Variants in ANO10 observed in about 807,000 individuals in gnomAD.
ANO10 encodes anoctamin 10, also known as anoctamin-10.
Under a neutral mutation model 74.7 loss-of-function variants are expected in ANO10, and 77 were observed. That is an observed-to-expected ratio of 1.03 (90% CI 0.86 to 1.25). The LOEUF is 1.25. ANO10 is among the 50% of genes most tolerant of loss of function. The pLI is 0.00. For missense variants in ANO10, 721 were observed against 778.1 expected (o/e 0.93, Z 0.87); for synonymous variants, 279 against 284.9 (o/e 0.98, Z 0.21).
intron 11 of ANO10, among the ~76,000 whole-genome samples, chr3:43,477,613 TA>T (rs2076114523): frequency 6.6e-6 from 1 of 152,188 alleles, no homozygotes; most frequent in African/African-American, 2.4e-5. Context: ...TCCTGGACCA[TA>T]ATACTGTACT....
chr3:43,415,137 G>A (rs113631715), intron 12 of ANO10, among the ~76,000 whole-genome samples: 6,439 of 151,720 alleles, frequency 0.042, 380 homozygotes, highest in African/African-American at 0.13. Context: ...ACCACACACG[G>A]CTCATTATTT....
intron 1 of ANO10, among the ~76,000 whole-genome samples, chr3:43,616,748 C>T (rs894138753): frequency 2.0e-5 from 3 of 152,106 alleles, no homozygotes; most frequent in African/African-American, 7.2e-5. Flanking sequence ...CACATACAGG[C>T]CAGCTTACTT....
At chr3:43,689,117 C>T (rs2084316137) in intron 1 of ANO10, among the ~76,000 whole-genome samples, 1 of 152,092 alleles carries the variant, frequency 6.6e-6, no homozygotes, top group South Asian at 2.1e-4. Context: ...GGGGATAGTG[C>T]CAAATCATTC....
chr3:43,382,476 G>A (rs1482235771), intron 12 of ANO10, among the ~76,000 whole-genome samples: 3 of 148,300 alleles, frequency 2.0e-5, no homozygotes, highest in Admixed American at 6.7e-5. Context: ...CCGAGATCGC[G>A]CCACTGCACT....
intron 11 of ANO10, among the ~76,000 whole-genome samples, chr3:43,450,366 C>A (rs1417630007): frequency 1.3e-5 from 2 of 152,068 alleles, no homozygotes; most frequent in East Asian, 3.9e-4. Context: ...CATAGTGAGA[C>A]CCTATCTCTA....
chr3:43,679,796 C>T (rs1359575028), intron 1 of ANO10, among the ~76,000 whole-genome samples: 1 of 152,216 alleles, frequency 6.6e-6, no homozygotes, highest in African/African-American at 2.4e-5. Flanking sequence ...ATCTGCTGTT[C>T]TGCAGCCTCC....
intron 11 of ANO10, among the ~76,000 whole-genome samples, chr3:43,476,811 C>T (rs1306700771): frequency 6.6e-6 from 1 of 152,050 alleles, no homozygotes; most frequent in Admixed American, 6.5e-5. Context: ...AAGACTATCC[C>T]CGAATTCATG....
chr3:43,516,469 A>G (rs2077715984), intron 11 of ANO10, among the ~76,000 whole-genome samples: 1 of 152,234 alleles, frequency 6.6e-6, no homozygotes. Flanking sequence ...AAGACAGATA[A>G]GAGGAGATTA....
In ANO10 at chr3:43,580,451, C is replaced by T. The variant is rs748723990; in HGVS notation, c.494G>A (p.Gly165Asp). The T allele has an allele frequency of 6.2e-7, 1 of 1,613,786 alleles. No individual in the cohort carries two copies. The highest frequency in any genetic ancestry group is 8.5e-7 in the Non-Finnish European group (1 of 1,179,946). Residue 165 changes from glycine (G) to aspartate (D), a missense_variant, in exon 5 of 13, where the codon GGC (glycine) becomes GAC (aspartate). Transcript: ENST00000292246. Reference sequence around the variant, plus strand: ...CAGTGGAAACACCTGAATCACGATGCCAGACGTGAGCAATCTTCTCACTGC... The same window carrying T: ...CAGTGGAAACACCTGAATCACGATGTCAGACGTGAGCAATCTTCTCACTGC... ...KSLLRRLLTS[G>D]IVIQVFPLHD... is the part of the protein sequence containing the mutation.
chr3:43,570,957 GAATCTAC>G (rs1376408561), intron 7 of ANO10, among the ~76,000 whole-genome samples: 1 of 145,392 alleles, frequency 6.9e-6, no homozygotes, highest in Non-Finnish European at 1.5e-5. Context: ...CTAATATCCA[GAATCTAC>G]AATGAACTCC....
In ANO10 at chr3:43,556,589, A is replaced by G. The variant is rs144030479; in HGVS notation, c.1477-1120T>C. Among the ~76,000 whole-genome samples the G allele has an allele frequency of 7.5e-4, 115 of 152,344 alleles. 1 individual carries two copies. Among genetic ancestry groups the G allele is most frequent in the African/African-American group, 2.7e-3 (111 of 41,578 alleles). On this transcript the variant is annotated intron_variant, in intron 9 of 12. Transcript: ENST00000292246. ...TTTAGCAAACCAAGGACATAATCCA[A>G]CAGCAAGAAGGAAAAAAAATGAAAA...
intron 11 of ANO10, among the ~76,000 whole-genome samples, chr3:43,443,046 C>G (rs2093184411): frequency 6.6e-6 from 1 of 152,132 alleles, no homozygotes; most frequent in African/African-American, 2.4e-5. Flanking sequence ...GGCCCTATGC[C>G]CTGGTGGTCA....
At chr3:43,558,953 C>T (rs1197129959) in intron 9 of ANO10, among the ~76,000 whole-genome samples, 1 of 152,144 alleles carries the variant, frequency 6.6e-6, no homozygotes, top group Non-Finnish European at 1.5e-5. Flanking sequence ...CAGTCACAGA[C>T]CCAGAGCCTG....
chr3:43,629,963 G>C (rs950901421), intron 1 of ANO10, among the ~76,000 whole-genome samples: 2 of 152,166 alleles, frequency 1.3e-5, no homozygotes, highest in Non-Finnish European at 2.9e-5. Flanking sequence ...AGTTATAGAA[G>C]GGAAGAGGAC....
At chr3:43,619,301 C>G (rs182246658) in intron 1 of ANO10, among the ~76,000 whole-genome samples, 1 of 152,058 alleles carries the variant, frequency 6.6e-6, no homozygotes. Context: ...GGACATATGA[C>G]GACTAAATAC....
intron 10 of ANO10, among the ~76,000 whole-genome samples, chr3:43,552,696 GGATATATATATA>G (rs1377981760): frequency 9.8e-5 from 5 of 51,146 alleles, no homozygotes; most frequent in Non-Finnish European, 1.8e-4. Context: ...TATTATCTCT[GGATATATATATA>G]TATATATATA....
At chr3:43,538,637 TGAGAACAATCAAGAGGA>T (rs1403225381) in intron 11 of ANO10, among the ~76,000 whole-genome samples, 1 of 152,116 alleles carries the variant, frequency 6.6e-6, no homozygotes, top group Non-Finnish European at 1.5e-5. Flanking sequence ...GAGGTGGATT[TGAGAACAATCAAGAGGA>T]GAAGCTGAGG....
intron 11 of ANO10, among the ~76,000 whole-genome samples, chr3:43,468,239 C>CTCTACAAGTTGGTTTCATAATT (rs1230288799): frequency 3.3e-5 from 5 of 152,196 alleles, no homozygotes; most frequent in Admixed American, 6.5e-5. Context: ...AAGTGGTCTA[C>CTCTACAAGTTGGTTTCATAATT]TCTACAAGTT....
At chr3:43,503,419 T>A (rs1181574526) in intron 11 of ANO10, among the ~76,000 whole-genome samples, 1 of 152,182 alleles carries the variant, frequency 6.6e-6, no homozygotes, top group Non-Finnish European at 1.5e-5. Flanking sequence ...CTACTAACAT[T>A]CATCCCAATA....
Sources: gnomAD v4.1 joint callset for allele counts (sites outside exome capture counted in the v4.1 genomes callset) on GRCh38, gnomAD v4.1.1 for gene constraint, MANE v1.5 for transcripts, NCBI Gene and HGNC (gene_info 2026-07-23, HGNC 2026-07-21) for gene names.